SBF2: variants seen among roughly 807,000 people sequenced by gnomAD.
The protein encoded by SBF2 is SET binding factor 2.
SBF2 carries 112 observed loss-of-function variants against 225.2 expected under a neutral mutation model. That is an observed-to-expected ratio of 0.50 (90% CI 0.43 to 0.58). SBF2 has a LOEUF of 0.58. Ranked by LOEUF, SBF2 falls within the 20% of genes least tolerant of loss-of-function variation. SBF2 has a pLI of 0.00. For synonymous variants in SBF2, 763 were observed against 773.3 expected (o/e 0.99, Z 0.22); for missense variants, 1,996 against 2,206.2 (o/e 0.90, Z 1.91).
At chr11:10,197,497 T>C (rs1435511683) in intron 1 of SBF2, among the ~76,000 whole-genome samples, 1 of 152,240 alleles carries the variant, frequency 6.6e-6, no homozygotes, top group Non-Finnish European at 1.5e-5. Context: ...CTATCAATCA[T>C]CTGAGGCTTT....
intron 2 of SBF2, among the ~76,000 whole-genome samples, chr11:10,141,312 C>T (rs1319971869): frequency 6.6e-6 from 1 of 152,086 alleles, no homozygotes; most frequent in Admixed American, 6.5e-5. Flanking sequence ...ATGGGAATAG[C>T]TAAAGAAACA....
intron 1 of SBF2, among the ~76,000 whole-genome samples, chr11:10,196,866 A>ATATATAT: frequency 4.4e-4 from 44 of 99,308 alleles, no homozygotes; most frequent in Admixed American, 1.8e-3. Context: ...ATATATATAT[A>ATATATAT]TTTTTTTTTT....
intron 2 of SBF2, among the ~76,000 whole-genome samples, chr11:10,121,828 T>C (rs142970798): frequency 1.4e-3 from 218 of 152,338 alleles, no homozygotes; most frequent in Non-Finnish European, 2.5e-3. Context: ...CTGCATAGTG[T>C]GATGAAATCT....
At chr11:10,293,918 C>T in intron 1 of SBF2, 97 bp downstream of exon 1, 1 of 925,734 alleles carries the variant, frequency 1.1e-6, no homozygotes, top group Non-Finnish European at 1.4e-6. Context: ...GCCTGGCCCT[C>T]CCCGACGCCC....
rs188801282 is a variant in SBF2 at position 10,228,160 on chromosome 11, C to T, written c.56-34173G>A. Among the ~76,000 whole-genome samples the T allele has an allele frequency of 2.4e-4, 37 of 152,178 alleles. No individual in the cohort carries two copies. In the East Asian group the frequency reaches 6.4e-3, roughly 26 times the overall value. ...TGTATAAGAATGTTTGTGATTTTTG[C>T]ACATTGATTTTGTATCCTGAGACTT... On this transcript the variant is annotated intron_variant, in intron 1 of 39. Transcript: ENST00000256190.
rs945495130 is a variant in SBF2 at position 9,795,818 on chromosome 11, T to C, written c.4570+13A>G. 1 of 1,612,994 alleles carries C rather than the reference T, an allele frequency of 6.2e-7. No homozygotes were observed. The highest frequency in any genetic ancestry group is 8.5e-7 in the Non-Finnish European group (1 of 1,179,528). ...TAACAAAAAAGATGAAACAAGGGCA[T>C]ACAGACACATACCGTGCTCTAATCT... On this transcript the variant is annotated intron_variant, in intron 33 of 39. Coordinates refer to ENST00000256190, the MANE Select transcript of SBF2 (RefSeq NM_030962.4).
intron 16 of SBF2, among the ~76,000 whole-genome samples, chr11:9,929,463 A>T (rs1864319934): frequency 6.6e-6 from 1 of 152,136 alleles, no homozygotes; most frequent in South Asian, 2.1e-4. Context: ...TGCAACCAAA[A>T]AAGGTCATGG....
At chr11:9,915,108 A>C (rs987654701) in intron 16 of SBF2, among the ~76,000 whole-genome samples, 2 of 152,108 alleles carry the variant, frequency 1.3e-5, no homozygotes, top group African/African-American at 2.4e-5. Context: ...GAGAGACAGA[A>C]GGATATGCTA....
intron 17 of SBF2, among the ~76,000 whole-genome samples, chr11:9,863,573 C>G (rs1281367606): frequency 6.6e-6 from 1 of 152,248 alleles, no homozygotes; most frequent in East Asian, 1.9e-4. Context: ...CTGGCCTGAC[C>G]AAGTCCAGAT....
At chr11:10,282,588 C>T (rs1179088283) in intron 1 of SBF2, among the ~76,000 whole-genome samples, 2 of 152,096 alleles carry the variant, frequency 1.3e-5, no homozygotes, top group Admixed American at 6.5e-5. Flanking sequence ...ACACATATTA[C>T]CTCTCATCCA....
chr11:10,104,896 TC>T (rs150482942), intron 2 of SBF2, among the ~76,000 whole-genome samples: 432 of 152,362 alleles, frequency 2.8e-3, no homozygotes, highest in Non-Finnish European at 4.4e-3. Flanking sequence ...TATTTTCTCT[TC>T]TTCACTGAGT....
chr11:9,856,889 G>A (rs929905971), intron 18 of SBF2, among the ~76,000 whole-genome samples, 169 bp from the exon 19 acceptor site: 1 of 148,880 alleles, frequency 6.7e-6, no homozygotes, highest in African/African-American at 2.5e-5. Context: ...CCAGGTTCAC[G>A]CCATTCTCCT....
chr11:9,974,020 C>T (rs1669637634), intron 13 of SBF2, among the ~76,000 whole-genome samples: 1 of 152,126 alleles, frequency 6.6e-6, no homozygotes. Context: ...GATGGCAATA[C>T]TGTCACTGGA....
chr11:10,196,866 A>ATATT lies in SBF2; in HGVS notation c.56-2880_56-2879insAATA. The stretch of plus-strand genomic sequence containing the variant: ...TATATATATATATATATATATATAT[A>ATATT]TTTTTTTTTTCCTACAAAATGAATA... On this transcript the variant is annotated intron_variant, in intron 1 of 39. Coordinates refer to ENST00000256190, the MANE Select transcript of SBF2 (RefSeq NM_030962.4). 2.2e-3 allele frequency among the ~76,000 whole-genome samples: 217 copies of ATATT among 99,302 alleles called. 2 individuals carry two copies. The highest frequency in any genetic ancestry group is 7.0e-3 in the Middle Eastern group (1 of 142). 65.1% of individuals were successfully genotyped at this position (99,302 alleles called of 152,430 possible).
chr11:10,250,878 C>A (rs973427195), intron 1 of SBF2, among the ~76,000 whole-genome samples: 2 of 152,148 alleles, frequency 1.3e-5, no homozygotes, highest in Non-Finnish European at 2.9e-5. Context: ...AACTGTACAC[C>A]CACTGGAACC....
At chr11:10,064,714 T>G (rs1029571817) in intron 2 of SBF2, among the ~76,000 whole-genome samples, 1 of 152,136 alleles carries the variant, frequency 6.6e-6, no homozygotes, top group African/African-American at 2.4e-5. Context: ...TATGGGCCAA[T>G]TAATCAAGAG....
Position 9,858,424 on chromosome 11 carries a change from A to G in SBF2, c.1930-28T>C, listed in dbSNP as rs1006552953. The stretch of plus-strand genomic sequence containing the variant: ...GTGAGAACACACAAAATACATCATC[A>G]TGGGGCTGGCAGAATTATAACAGTT... On this transcript the variant is annotated intron_variant, in intron 17 of 39. Coordinates refer to ENST00000256190, the MANE Select transcript of SBF2 (RefSeq NM_030962.4). 5 of 1,612,598 alleles carry G rather than the reference A, an allele frequency of 3.1e-6. No individual in the cohort carries two copies. The Admixed American group carries it at 5.0e-5, about 16-fold the overall frequency.
intron 2 of SBF2, among the ~76,000 whole-genome samples, chr11:10,046,707 A>C (rs1344431050): frequency 6.6e-6 from 1 of 151,920 alleles, no homozygotes; most frequent in Non-Finnish European, 1.5e-5. Flanking sequence ...AAGAATGATC[A>C]GGGGAATAAA....
chr11:10,069,018 C>T (rs61878582), intron 2 of SBF2, among the ~76,000 whole-genome samples: 30,858 of 152,074 alleles, frequency 0.2, 3,944 homozygotes, highest in Non-Finnish European at 0.29. Context: ...TATGTGTTTC[C>T]TTCCAAATAT....
Sources: gnomAD v4.1 joint callset for allele counts (sites outside exome capture counted in the v4.1 genomes callset) on GRCh38, gnomAD v4.1.1 for gene constraint, MANE v1.5 for transcripts, NCBI Gene and HGNC (gene_info 2026-07-23, HGNC 2026-07-21) for gene names.